FRMPD4: variants seen among roughly 807,000 people sequenced by gnomAD.
FRMPD4 encodes FERM and PDZ domain containing 4.
Under a neutral mutation model 94.1 loss-of-function variants are expected in FRMPD4, and 22 were observed. The observed-to-expected ratio is 0.23, with a 90% CI of 0.17 to 0.33. FRMPD4 has a LOEUF of 0.33. Among genes scored for constraint, FRMPD4 ranks in the 10% least tolerant of loss-of-function variants. The pLI, the probability that FRMPD4 is intolerant of heterozygous loss-of-function variation, is 1.00. For missense variants in FRMPD4, 1,111 were observed against 1,339.9 expected, an observed-to-expected ratio of 0.83 and a Z score of 2.67; for synonymous variants, 631 against 548.6, an observed-to-expected ratio of 1.15 and a Z score of -2.10.
chrX:12,093,414 G>A (rs889158341), intron 3 of FRMPD4, among the ~76,000 whole-genome samples: 7 of 110,583 alleles, frequency 6.3e-5, no homozygotes, highest in African/African-American at 2.3e-4. Flanking sequence ...AGTCTACTTG[G>A]GGGTTAGAAG....
chrX:12,189,631 C>T (rs1364879199), intron 1 of FRMPD4, among the ~76,000 whole-genome samples: 5 of 111,625 alleles, frequency 4.5e-5, no homozygotes, highest in Non-Finnish European at 9.4e-5. Flanking sequence ...TTAATGAAAT[C>T]CATTACATCA....
chrX:11,827,801 A>G (rs987761620), intron 1 of FRMPD4, among the ~76,000 whole-genome samples: 12 of 112,283 alleles, frequency 1.1e-4, no homozygotes, highest in African/African-American at 2.9e-4. Flanking sequence ...GCGTATCAAC[A>G]ATGTATCAAT....
rs143135686 is a variant in FRMPD4 at position 12,559,902 on chromosome X, C to T, written c.159-49819C>T. Among the ~76,000 whole-genome samples, 535 of 111,125 alleles carry T rather than the reference C, an allele frequency of 4.8e-3. 3 individuals carry two copies. Among genetic ancestry groups the T allele is most frequent in the African/African-American group, 0.017 (512 of 30,707 alleles). On this transcript the variant is annotated intron_variant, in intron 2 of 16. Transcript: ENST00000675598. ...AAATGTCTACTGTATTTTCAATATG[C>T]CCTCTGTTTTCAGTCCAGAAAACTC...
chrX:12,444,576 A>AAAT (rs2148126954), intron 1 of FRMPD4, among the ~76,000 whole-genome samples: 1 of 112,177 alleles, frequency 8.9e-6, no homozygotes, highest in South Asian at 3.8e-4. Flanking sequence ...TGTTATAACA[A>AAAT]AATACCAGAA....
intron 4 of FRMPD4, among the ~76,000 whole-genome samples, chrX:12,657,091 A>G (rs2059665402): frequency 9.1e-6 from 1 of 110,429 alleles, no homozygotes; most frequent in Non-Finnish European, 1.9e-5. Flanking sequence ...CTTCTAAAAA[A>G]AAAAAAAACA....
At chrX:11,851,180 TC>T (rs1159842677) in intron 1 of FRMPD4, among the ~76,000 whole-genome samples, 1 of 111,791 alleles carries the variant, frequency 8.9e-6, no homozygotes, top group Non-Finnish European at 1.9e-5. Flanking sequence ...TCAGTCGTTT[TC>T]ATGAATAAAT....
At chrX:12,694,488 G>A (rs1276112902) in intron 9 of FRMPD4, 34 bp downstream of exon 9, 4 of 1,101,300 alleles carry the variant, frequency 3.6e-6, no homozygotes, top group Non-Finnish European at 5.0e-6. Context: ...TTATATCAAT[G>A]TTGTGATATA....
At chrX:12,396,729 A>G (rs1156381509) in intron 1 of FRMPD4, among the ~76,000 whole-genome samples, 1 of 112,051 alleles carries the variant, frequency 8.9e-6, no homozygotes, top group Non-Finnish European at 1.9e-5. Context: ...GTCTGTGTCA[A>G]GTTATTTTGC....
intron 1 of FRMPD4, among the ~76,000 whole-genome samples, chrX:12,317,609 AAAAC>A (rs1359575959): frequency 8.5e-5 from 9 of 105,726 alleles, no homozygotes; most frequent in African/African-American, 3.4e-4. Flanking sequence ...AAAAACAAAA[AAAAC>A]AAAAACCCAA....
chrX:11,865,381 G>GT (rs997477114), intron 2 of FRMPD4, among the ~76,000 whole-genome samples: 74 of 111,651 alleles, frequency 6.6e-4, no homozygotes, highest in African/African-American at 2.2e-3. Context: ...GTTACCTTGT[G>GT]TTTTTTTAAA....
intron 3 of FRMPD4, among the ~76,000 whole-genome samples, chrX:12,085,342 A>C (rs1027066207): frequency 8.9e-6 from 1 of 111,929 alleles, no homozygotes; most frequent in African/African-American, 3.2e-5. Flanking sequence ...AATTGATCTG[A>C]TTGTATTATG....
intron 1 of FRMPD4, among the ~76,000 whole-genome samples, chrX:11,831,610 A>G (rs1318739993): frequency 2.7e-5 from 3 of 111,684 alleles, no homozygotes; most frequent in African/African-American, 9.8e-5. Context: ...GGGACTGGAT[A>G]GATTACCCAG....
At chrX:12,391,005 G>A (rs2056466917) in intron 1 of FRMPD4, among the ~76,000 whole-genome samples, 1 of 112,035 alleles carries the variant, frequency 8.9e-6, no homozygotes, top group African/African-American at 3.2e-5. Flanking sequence ...TCAGTCCTTT[G>A]ACATAGAAGG....
At chrX:11,998,041 G>C (rs180973840) in intron 3 of FRMPD4, among the ~76,000 whole-genome samples, 109 of 111,236 alleles carry the variant, frequency 9.8e-4, no homozygotes, top group Non-Finnish European at 1.8e-3. Flanking sequence ...TATTCTGATC[G>C]CAATGACCTA....
chrX:12,648,218 C>A (rs968223707), intron 4 of FRMPD4, among the ~76,000 whole-genome samples: 1 of 111,602 alleles, frequency 9.0e-6, no homozygotes, highest in Non-Finnish European at 1.9e-5. Context: ...CAACTCTTTC[C>A]AGTCTTCCTT....
chrX:11,976,952 C>T (rs1227475030), intron 3 of FRMPD4, among the ~76,000 whole-genome samples: 2 of 110,617 alleles, frequency 1.8e-5, no homozygotes, highest in South Asian at 7.7e-4. Flanking sequence ...TTTTAATTTT[C>T]CATTGCATGG....
At chrX:12,186,417 AT>A (rs1198907398) in intron 1 of FRMPD4, among the ~76,000 whole-genome samples, 1 of 111,735 alleles carries the variant, frequency 8.9e-6, no homozygotes, top group African/African-American at 3.2e-5. Context: ...AAGCATAATT[AT>A]TTAATTGTTT....
At chrX:12,482,632 A>G (rs1409085047) in intron 1 of FRMPD4, among the ~76,000 whole-genome samples, 1 of 112,256 alleles carries the variant, frequency 8.9e-6, no homozygotes, top group Non-Finnish European at 1.9e-5. Flanking sequence ...AAATTATAAC[A>G]TGAACCATGT....
intron 2 of FRMPD4, among the ~76,000 whole-genome samples, chrX:12,547,437 G>T (rs1389638439): frequency 8.9e-6 from 1 of 111,875 alleles, no homozygotes; most frequent in African/African-American, 3.2e-5. Flanking sequence ...TAGGGAGAGA[G>T]AAATATTTCA....
Sources: allele counts gnomAD v4.1 joint callset (sites outside exome capture counted in the v4.1 genomes callset), GRCh38; gene constraint gnomAD v4.1.1; transcripts MANE v1.5; gene names NCBI Gene and HGNC (gene_info 2026-07-23, HGNC 2026-07-21).